NTNG1: variants seen among roughly 807,000 people sequenced by gnomAD.
The protein encoded by NTNG1 is netrin G1.
In NTNG1, 16 loss-of-function variants were observed where a neutral mutation model predicts 54.0. The ratio of observed to expected loss-of-function variants is 0.30; its 90% CI spans 0.20 to 0.45. The LOEUF is 0.45. Among genes scored for constraint, NTNG1 ranks in the 20% least tolerant of loss-of-function variants. The pLI is 1.00. For missense variants in NTNG1, 530 were observed against 678.7 expected (o/e 0.78, Z 2.43); for synonymous variants, 255 against 263.1 (o/e 0.97, Z 0.30).
intron 3 of NTNG1, among the ~76,000 whole-genome samples, chr1:107,344,003 A>G (rs994011486): frequency 3.9e-5 from 6 of 152,158 alleles, no homozygotes; most frequent in African/African-American, 1.4e-4. Context: ...TTGGATTCCA[A>G]CAATGATCCT....
At chr1:107,143,982 C>T (rs916387592) in intron 1 of NTNG1, among the ~76,000 whole-genome samples, 2 of 152,038 alleles carry the variant, frequency 1.3e-5, no homozygotes, top group African/African-American at 4.8e-5. Context: ...GACAGTTGCT[C>T]ATAATACCCA....
At chr1:107,286,534 A>G (rs1012575796) in intron 2 of NTNG1, among the ~76,000 whole-genome samples, 7 of 152,162 alleles carry the variant, frequency 4.6e-5, no homozygotes, top group African/African-American at 7.2e-5. Context: ...TCTGCAATTT[A>G]TATCCGATTT....
chr1:107,368,063 A>T (rs1670705260), intron 3 of NTNG1, among the ~76,000 whole-genome samples: 1 of 152,014 alleles, frequency 6.6e-6, no homozygotes, highest in South Asian at 2.1e-4. Flanking sequence ...CGGCCTAAAA[A>T]CTTTAAACAA....
At chr1:107,382,511 C>A (rs536652164) in intron 3 of NTNG1, among the ~76,000 whole-genome samples, 2 of 152,298 alleles carry the variant, frequency 1.3e-5, no homozygotes, top group African/African-American at 4.8e-5. Context: ...AGATTGCAGG[C>A]ATTGACTATA....
chr1:107,278,346 T>C (rs1306395144), intron 2 of NTNG1, among the ~76,000 whole-genome samples: 1 of 152,216 alleles, frequency 6.6e-6, no homozygotes, highest in Non-Finnish European at 1.5e-5. Flanking sequence ...CTAGGTACTC[T>C]CTTACATGTT....
At position 107,324,534 on chromosome 1, in the gene NTNG1, G is replaced by A. The variant is rs1173408635; in HGVS notation, c.499G>A (p.Asp167Asn). The change falls in exon 3 of 8, where the codon GAT (aspartate) becomes AAT (asparagine). Residue 167 changes from aspartate (D) to asparagine (N), a missense_variant. Asp to Asn is a conservative substitution (Grantham distance 23). Coordinates refer to ENST00000370068, the MANE Select transcript of NTNG1 (RefSeq NM_001113226.3). ...CCAAATGATCCTGGAGAAGTCTCTCGATTATGGACGAACATGGCAGCCCTA... is the reference window on the plus strand; with the variant it reads ...CCAAATGATCCTGGAGAAGTCTCTCAATTATGGACGAACATGGCAGCCCTA... Reference protein sequence around the residue: ...PDQMILEKSLDYGRTWQPYQY... With the variant: ...PDQMILEKSLNYGRTWQPYQY... 3.7e-6 allele frequency: 6 copies of A among 1,613,752 alleles called. No homozygotes were observed. The highest frequency in any genetic ancestry group is 3.3e-5 in the South Asian group (3 of 91,084).
At chr1:107,477,811 G>C (rs972738727) in intron 7 of NTNG1, among the ~76,000 whole-genome samples, 6 of 152,094 alleles carry the variant, frequency 3.9e-5, no homozygotes, top group African/African-American at 1.4e-4. Flanking sequence ...CTTTAGGACA[G>C]TTAGTTACAA....
chr1:107,478,575 T>C (rs1335650964), intron 7 of NTNG1, among the ~76,000 whole-genome samples: 1 of 152,216 alleles, frequency 6.6e-6, no homozygotes, highest in African/African-American at 2.4e-5. Flanking sequence ...TAATTAACTA[T>C]TGATTTCTTC....
intron 2 of NTNG1, among the ~76,000 whole-genome samples, chr1:107,170,614 A>C (rs955229539): frequency 6.6e-6 from 1 of 152,150 alleles, no homozygotes; most frequent in African/African-American, 2.4e-5. Flanking sequence ...TGCTGCTGAT[A>C]ATCTAAACCC....
chr1:107,161,399 G>A (rs1655385276), intron 2 of NTNG1, among the ~76,000 whole-genome samples: 1 of 152,118 alleles, frequency 6.6e-6, no homozygotes, highest in African/African-American at 2.4e-5. Flanking sequence ...GGTGGCTCAT[G>A]CCTGTAATCC....
At chr1:107,347,228 C>T (rs1430313743) in intron 3 of NTNG1, among the ~76,000 whole-genome samples, 5 of 152,108 alleles carry the variant, frequency 3.3e-5, no homozygotes, top group Middle Eastern at 3.2e-3. Context: ...AATGACTGGC[C>T]TCAGGCTGGG....
intron 1 of NTNG1, among the ~76,000 whole-genome samples, chr1:107,144,308 A>G (rs1653949599): frequency 6.6e-6 from 1 of 152,064 alleles, no homozygotes; most frequent in Admixed American, 6.5e-5. Context: ...AAACATGCAT[A>G]TTTATAAAAT....
intron 2 of NTNG1, among the ~76,000 whole-genome samples, chr1:107,173,081 C>T (rs1656374841): frequency 6.6e-6 from 1 of 152,104 alleles, no homozygotes; most frequent in South Asian, 2.1e-4. Flanking sequence ...CATAATGGCT[C>T]TGTAGTAGGA....
intron 2 of NTNG1, among the ~76,000 whole-genome samples, chr1:107,242,750 T>A (rs2101585713): frequency 6.6e-6 from 1 of 152,244 alleles, no homozygotes; most frequent in South Asian, 2.1e-4. Flanking sequence ...CTCGACCACC[T>A]CCTCTCCCTA....
intron 6 of NTNG1, 99 bp downstream of exon 6, chr1:107,431,016 A>T: frequency 9.5e-7 from 1 of 1,056,314 alleles, no homozygotes. Flanking sequence ...CGGTTGAGCC[A>T]GAATGAACTT....
chr1:107,448,322 T>C (rs1676423196), intron 7 of NTNG1, among the ~76,000 whole-genome samples: 3 of 152,236 alleles, frequency 2.0e-5, no homozygotes, highest in Middle Eastern at 6.8e-3. Context: ...AAGCCATTTA[T>C]AGTCTTGCCA....
chr1:107,169,511 A>G (rs866560207), intron 2 of NTNG1, among the ~76,000 whole-genome samples: 1 of 152,082 alleles, frequency 6.6e-6, no homozygotes, highest in Non-Finnish European at 1.5e-5. Flanking sequence ...AGTGCCAAGA[A>G]GCACCTCAAG....
chr1:107,324,002 T>C (rs1407365435), intron 2 of NTNG1, among the ~76,000 whole-genome samples: 2 of 152,058 alleles, frequency 1.3e-5, no homozygotes, highest in African/African-American at 4.8e-5. Context: ...CTCGGTGCCT[T>C]CGTGCTTCTG....
chr1:107,449,038 T>C (rs1676467583), intron 7 of NTNG1, among the ~76,000 whole-genome samples: 1 of 152,234 alleles, frequency 6.6e-6, no homozygotes, highest in African/African-American at 2.4e-5. Context: ...TCTATTCATG[T>C]TTGGAAACAT....
Sources: gnomAD v4.1 joint callset for allele counts (sites outside exome capture counted in the v4.1 genomes callset) on GRCh38, gnomAD v4.1.1 for gene constraint, MANE v1.5 for transcripts, NCBI Gene and HGNC (gene_info 2026-07-23, HGNC 2026-07-21) for gene names.